Variants in DST observed in about 807,000 individuals in gnomAD.
DST encodes bullous pemphigoid antigen.
Under a neutral mutation model 875.2 loss-of-function variants are expected in DST, and 253 were observed. That is an observed-to-expected ratio of 0.29 (90% CI 0.26 to 0.32). The LOEUF (loss-of-function observed/expected upper bound fraction) is 0.32, where lower values mean the gene tolerates loss of function less well. Ranked by LOEUF, DST falls within the 10% of genes least tolerant of loss-of-function variation. The pLI, the probability that DST is intolerant of heterozygous loss-of-function variation, is 1.00. For missense variants in DST, 8,287 were observed against 9,111.6 expected, an observed-to-expected ratio of 0.91 and a Z score of 3.68; for synonymous variants, 3,124 against 3,197.1, an observed-to-expected ratio of 0.98 and a Z score of 0.77.
chr6:56,686,085 A>T (rs1042996001), intron 9 of DST, among the ~76,000 whole-genome samples: 8 of 152,252 alleles, frequency 5.3e-5, no homozygotes, highest in Non-Finnish European at 1.0e-4. Context: ...AATGTGCTAC[A>T]TACAGCCATA....
At chr6:56,785,222 G>A (rs557875996) in intron 4 of DST, among the ~76,000 whole-genome samples, 33 of 152,332 alleles carry the variant, frequency 2.2e-4, no homozygotes, top group African/African-American at 7.0e-4. Flanking sequence ...TGAGTGCTGG[G>A]AGAACCACTG....
rs564754899 is a variant in DST, at chr6:56,636,371, T to C, written c.3060+186A>G. The stretch of plus-strand genomic sequence containing the variant: ...GTGTATATATATGTGTGTGTATATA[T>C]ATACACACATATATGTGTATACGTA... On this transcript the variant is annotated intron_variant, in intron 23 of 103. Transcript: ENST00000680361. Among the ~76,000 whole-genome samples the C allele has an allele frequency of 3.3e-5, 5 of 151,180 alleles. No homozygotes were observed. The East Asian group carries it at 9.9e-4, about 30-fold the overall frequency.
chr6:56,555,052 C>T (rs764054217), intron 60 of DST, among the ~76,000 whole-genome samples: 2 of 152,152 alleles, frequency 1.3e-5, no homozygotes, highest in African/African-American at 2.4e-5. Context: ...GACTTTCATA[C>T]AGCAAAAAAC....
intron 72 of DST, among the ~76,000 whole-genome samples, chr6:56,512,403 A>AG (rs1562477503): frequency 6.6e-6 from 1 of 152,172 alleles, no homozygotes; most frequent in Non-Finnish European, 1.5e-5. Context: ...AGCCACCCCC[A>AG]GGGGGAAGAT....
chr6:56,685,565 G>A (rs1481362998), intron 9 of DST, among the ~76,000 whole-genome samples: 1 of 151,912 alleles, frequency 6.6e-6, no homozygotes, highest in East Asian at 1.9e-4. Flanking sequence ...TGAGGTCAGG[G>A]GCTGGAGAAC....
intron 36 of DST, chr6:56,616,727 G>A (rs1215462905): frequency 1.2e-6 from 2 of 1,614,052 alleles, no homozygotes; most frequent in Non-Finnish European, 1.7e-6. Flanking sequence ...GGCAATCTGG[G>A]CTTCCAAGAT....
At chr6:56,912,257 A>G (rs1203175474) in intron 2 of DST, among the ~76,000 whole-genome samples, 1 of 152,214 alleles carries the variant, frequency 6.6e-6, no homozygotes, top group African/African-American at 2.4e-5. Context: ...CGGGCGCAGC[A>G]CACTGCTAAG....
intron 4 of DST, among the ~76,000 whole-genome samples, chr6:56,841,673 A>AT (rs1404719371): frequency 6.6e-6 from 1 of 152,172 alleles, no homozygotes; most frequent in Non-Finnish European, 1.5e-5. Flanking sequence ...GAACTTTCAG[A>AT]TTTTTTTATT....
At chr6:56,486,950 T>C (rs2095591348) in intron 87 of DST, among the ~76,000 whole-genome samples, 154 bp downstream of exon 87, 1 of 152,108 alleles carries the variant, frequency 6.6e-6, no homozygotes. Context: ...GACTTCTCAA[T>C]GCAAGTGCTA....
chr6:56,946,355 T>A (rs1300072943), intron 2 of DST, among the ~76,000 whole-genome samples: 3 of 152,220 alleles, frequency 2.0e-5, no homozygotes, highest in Non-Finnish European at 2.9e-5. Context: ...GAAGCCAGAT[T>A]AAATTGAGGA....
At chr6:56,911,186 C>T (rs1798697360) in intron 2 of DST, among the ~76,000 whole-genome samples, 1 of 152,012 alleles carries the variant, frequency 6.6e-6, no homozygotes, top group Admixed American at 6.6e-5. Flanking sequence ...ATAGAGGCTG[C>T]AAGGGAGGAA....
chr6:56,805,182 C>A (rs2099751674), intron 4 of DST, among the ~76,000 whole-genome samples: 1 of 152,106 alleles, frequency 6.6e-6, no homozygotes, highest in South Asian at 2.1e-4. Context: ...ACTGAATCAT[C>A]TGGGACTGGG....
chr6:56,813,535 T>C (rs189844651), intron 4 of DST, among the ~76,000 whole-genome samples: 4 of 152,186 alleles, frequency 2.6e-5, no homozygotes, highest in African/African-American at 9.6e-5. Flanking sequence ...ATATTCCAGT[T>C]CTTTTACCTA....
chr6:56,886,346 T>G (rs1017149679), intron 3 of DST, among the ~76,000 whole-genome samples: 13 of 152,220 alleles, frequency 8.5e-5, no homozygotes, highest in Non-Finnish European at 1.5e-4. Flanking sequence ...TCACTGAGGT[T>G]TAGTTTTGTC....
Position 56,624,491 on chromosome 6 carries a change from C to T in DST, c.4929+39G>A, listed in dbSNP as rs377217977. 1,069 of 1,384,510 alleles carry T rather than the reference C, an allele frequency of 7.7e-4. 21 individuals are homozygous for T. The South Asian group carries it at 0.012, about 15-fold the overall frequency. 85.8% of individuals were successfully genotyped at this position (1,384,510 alleles called of 1,614,324 possible). On this transcript the variant is annotated intron_variant, in intron 36 of 103. Transcript: ENST00000680361. ...CACTGTAGTTACTGCTCATCTCTAG[C>T]TCCTTTATATTTACAGGGTGCTCAC...
At position 56,463,862 on chromosome 6, in the gene DST, C is replaced by G. The variant is rs747406687; in HGVS notation, c.22760-98G>C. The stretch of plus-strand genomic sequence containing the variant: ...AGAACGGCCACCTGGCACCAGAGAT[C>G]ACGTTGAGAATTTCAAGAACATCTT... On this transcript the variant is annotated intron_variant, in intron 100 of 103. Transcript: ENST00000680361. The G allele has an allele frequency of 5.8e-4, 713 of 1,237,460 alleles. 2 individuals are homozygous for G. Among genetic ancestry groups the G allele is most frequent in the South Asian group, 9.0e-4 (75 of 83,018 alleles). The allele number at this position is 1,237,460 out of a possible 1,614,324, so 76.7% of individuals were successfully genotyped here.
chr6:56,553,698 GTTAAT>G (rs749150004), intron 60 of DST, 43 bp from the exon 61 acceptor site: 5 of 1,540,936 alleles, frequency 3.2e-6, no homozygotes, highest in African/African-American at 2.8e-5. Context: ...ACATCAAAAT[GTTAAT>G]TTAATCTATG....
chr6:56,830,102 GA>G (rs2099785301), intron 4 of DST, among the ~76,000 whole-genome samples: 1 of 152,008 alleles, frequency 6.6e-6, no homozygotes, highest in African/African-American at 2.4e-5. Context: ...TTCTTATCTT[GA>G]AAAACTGTGT....
At chr6:56,945,941 G>T (rs1819247508) in intron 2 of DST, 3 of 152,104 alleles carry the variant, frequency 2.0e-5, no homozygotes, top group Admixed American at 6.5e-5. Context: ...GGTTTATTTT[G>T]GGGGTGATGA....
Sources: allele counts gnomAD v4.1 joint callset (sites outside exome capture counted in the v4.1 genomes callset), GRCh38; gene constraint gnomAD v4.1.1; transcripts MANE v1.5; gene names NCBI Gene and HGNC (gene_info 2026-07-23, HGNC 2026-07-21).